The following CSMD1 variants were observed in gnomAD, a reference collection of about 807,000 sequenced individuals.
The protein encoded by CSMD1 is CUB and Sushi multiple domains 1, also known as CUB and sushi domain-containing protein 1.
In CSMD1, 213 loss-of-function variants were observed where a neutral mutation model predicts 417.5. The observed-to-expected ratio is 0.51, with a 90% CI of 0.46 to 0.57. The LOEUF (loss-of-function observed/expected upper bound fraction) is 0.57. CSMD1 is among the 20% of genes least tolerant of loss of function. CSMD1 has a pLI of 0.00. For synonymous variants in CSMD1, 2,862 were observed against 1,736.8 expected (o/e 1.65, Z -16.11); for missense variants, 6,923 against 4,529.7 (o/e 1.53, Z -15.17).
chr8:2,941,742 C>T (rs970829567), intron 69 of CSMD1, among the ~76,000 whole-genome samples: 4 of 152,126 alleles, frequency 2.6e-5, no homozygotes, highest in African/African-American at 4.8e-5. Context: ...TTGCTTACTA[C>T]ATATAAAGAG....
At chr8:3,715,739 C>T (rs1387311923) in intron 6 of CSMD1, among the ~76,000 whole-genome samples, 1 of 152,140 alleles carries the variant, frequency 6.6e-6, no homozygotes, top group African/African-American at 2.4e-5. Context: ...GACACGGTTT[C>T]ACCATGTTGG....
intron 39 of CSMD1, among the ~76,000 whole-genome samples, chr8:3,151,960 C>G (rs1188685353): frequency 6.6e-6 from 1 of 152,170 alleles, no homozygotes. Flanking sequence ...TTACCATTCC[C>G]CTCTTACACA....
chr8:4,435,652 G>C (rs35455544), intron 2 of CSMD1, among the ~76,000 whole-genome samples: 1 of 152,028 alleles, frequency 6.6e-6, no homozygotes, highest in Non-Finnish European at 1.5e-5. Context: ...CCTGGGGGAA[G>C]GGGATTTCCT....
chr8:3,963,888 C>G (rs181690786), intron 5 of CSMD1, among the ~76,000 whole-genome samples: 2 of 152,146 alleles, frequency 1.3e-5, no homozygotes, highest in Non-Finnish European at 2.9e-5. Context: ...AACTGACACT[C>G]GGAAGAATTT....
intron 10 of CSMD1, among the ~76,000 whole-genome samples, chr8:3,524,360 C>G (rs552569184): frequency 6.6e-6 from 1 of 151,026 alleles, no homozygotes; most frequent in African/African-American, 2.4e-5. Flanking sequence ...GAAAGACAGG[C>G]GCACACAAGT....
intron 3 of CSMD1, among the ~76,000 whole-genome samples, chr8:4,178,242 G>A (rs1798166137): frequency 2.0e-5 from 3 of 152,210 alleles, no homozygotes; most frequent in South Asian, 4.2e-4. Flanking sequence ...ATCATCAAGT[G>A]GGCTTCATCC....
chr8:3,030,480 T>A (rs1348032913), intron 50 of CSMD1, among the ~76,000 whole-genome samples: 1 of 151,948 alleles, frequency 6.6e-6, no homozygotes, highest in Non-Finnish European at 1.5e-5. Flanking sequence ...TCTTTTTTTG[T>A]GTGTGTGACA....
chr8:3,390,551 C>T lies in CSMD1; in HGVS notation c.2594-2869G>A, dbSNP rs150772250. On this transcript the variant is annotated intron_variant, in intron 17 of 69. Transcript: ENST00000635120. ...CAGCACAAAGAGAAATACAGACCACCGGACTTTGTTGAAACGACGTGTATA... is the reference window on the plus strand; with the variant it reads ...CAGCACAAAGAGAAATACAGACCACTGGACTTTGTTGAAACGACGTGTATA... 1.5e-3 allele frequency among the ~76,000 whole-genome samples: 233 copies of T among 152,026 alleles called. 1 individual carries two copies. Among genetic ancestry groups the T allele is most frequent in the African/African-American group, 5.3e-3 (220 of 41,452 alleles).
At chr8:3,077,010 T>C (rs1055053554) in intron 49 of CSMD1, among the ~76,000 whole-genome samples, 9 of 136,984 alleles carry the variant, frequency 6.6e-5, no homozygotes, top group Admixed American at 3.0e-4. Flanking sequence ...CCTTCCTCCC[T>C]GTTTTTGGAG....
chr8:4,678,098 C>A (rs868336475), intron 1 of CSMD1, among the ~76,000 whole-genome samples: 1 of 152,074 alleles, frequency 6.6e-6, no homozygotes, highest in African/African-American at 2.4e-5. Context: ...TCTTATCAAG[C>A]TGGAAGGAGC....
chr8:3,076,250 A>G (rs1460779998), intron 49 of CSMD1, among the ~76,000 whole-genome samples: 1 of 152,100 alleles, frequency 6.6e-6, no homozygotes, highest in East Asian at 1.9e-4. Context: ...GTGTGTAGAC[A>G]TCATCTTCTT....
chr8:4,610,665 C>T lies in CSMD1; in HGVS notation c.302+26677G>A, dbSNP rs559253308. On this transcript the variant is annotated intron_variant, in intron 2 of 69. Transcript: ENST00000635120. ...TTATAAATAGTTGATTTAATTCATC[C>T]CATGAATTAGTTTGTTATTCTTTCA... Among the ~76,000 whole-genome samples, 157 of 152,138 alleles carry T rather than the reference C, an allele frequency of 1.0e-3. 1 individual carries two copies. The highest frequency in any genetic ancestry group is 3.7e-3 in the African/African-American group (152 of 41,510).
At chr8:4,050,746 C>T (rs559942847) in intron 3 of CSMD1, among the ~76,000 whole-genome samples, 1 of 152,118 alleles carries the variant, frequency 6.6e-6, no homozygotes, top group Admixed American at 6.6e-5. Context: ...AGTCACTAAA[C>T]TATAAATGCC....
At chr8:4,609,191 G>A (rs982309817) in intron 2 of CSMD1, among the ~76,000 whole-genome samples, 1 of 152,130 alleles carries the variant, frequency 6.6e-6, no homozygotes, top group Non-Finnish European at 1.5e-5. Flanking sequence ...CTTCAACTCT[G>A]GTGTTCCAGA....
At chr8:4,595,581 TA>T (rs921087336) in intron 2 of CSMD1, among the ~76,000 whole-genome samples, 3 of 152,108 alleles carry the variant, frequency 2.0e-5, no homozygotes, top group Non-Finnish European at 4.4e-5. Context: ...TGTTGCTTCC[TA>T]AACAATGTCC....
intron 11 of CSMD1, among the ~76,000 whole-genome samples, chr8:3,483,812 A>G (rs1280075088): frequency 2.6e-5 from 4 of 152,286 alleles, no homozygotes; most frequent in African/African-American, 9.6e-5. Context: ...AATTTATTCC[A>G]TTTTATGAAA....
intron 5 of CSMD1, among the ~76,000 whole-genome samples, chr8:3,798,798 T>G (rs1736723471): frequency 6.6e-6 from 1 of 152,112 alleles, no homozygotes; most frequent in East Asian, 1.9e-4. Context: ...ATGGGACATC[T>G]GTTTATAAAT....
chr8:4,831,997 A>T (rs988912565), intron 1 of CSMD1, among the ~76,000 whole-genome samples: 1 of 152,226 alleles, frequency 6.6e-6, no homozygotes, highest in African/African-American at 2.4e-5. Context: ...CACTGCACAC[A>T]TAGTCACTTT....
intron 3 of CSMD1, among the ~76,000 whole-genome samples, chr8:4,094,440 G>A (rs777068971): frequency 3.3e-5 from 5 of 152,150 alleles, no homozygotes; most frequent in Non-Finnish European, 5.9e-5. Flanking sequence ...GATTTGCTGT[G>A]GGAAGTGAGG....
Sources: gnomAD v4.1 joint callset for allele counts (sites outside exome capture counted in the v4.1 genomes callset) on GRCh38, gnomAD v4.1.1 for gene constraint, MANE v1.5 for transcripts, NCBI Gene and HGNC (gene_info 2026-07-23, HGNC 2026-07-21) for gene names.